The following RPL3 variants were observed in gnomAD, a reference collection of about 807,000 sequenced individuals.
The protein encoded by RPL3 is ribosomal protein L3.
In RPL3, 3 loss-of-function variants were observed where a neutral mutation model predicts 46.0. The observed-to-expected ratio is 0.07, with a 90% CI of 0.03 to 0.17. The LOEUF is 0.17. Ranked by LOEUF, RPL3 falls within the 10% of genes least tolerant of loss-of-function variation. RPL3 has a pLI of 1.00. For missense variants in RPL3, 387 were observed against 532.7 expected (o/e 0.73, Z 2.69); for synonymous variants, 224 against 190.8 (o/e 1.17, Z -1.43).
Position 39,314,133 on chromosome 22 carries a change from G to A in RPL3, c.925C>T (p.Leu309=), listed in dbSNP as rs768233968. 3.1e-6 allele frequency: 5 copies of A among 1,613,150 alleles called. No individual in the cohort carries two copies. Among genetic ancestry groups the A allele is most frequent in the Admixed American group, 1.7e-5 (1 of 60,018 alleles). ...IKNNASTDYD[L]SDKSINPLGG... ...AGAGGGTTGATGCTCTTGTCAGATA[G>A]GTCATAGTCAGTGGAGGCATTGTTC... The change falls in exon 7 of 10, where the codon CTA becomes TTA. Residue 309 remains leucine, a synonymous_variant. Coordinates refer to ENST00000216146, the MANE Select transcript of RPL3 (RefSeq NM_000967.4).
At chr22:39,318,804 A>G (rs1922864290) in intron 1 of RPL3, among the ~76,000 whole-genome samples, 1 of 152,212 alleles carries the variant, frequency 6.6e-6, no homozygotes, top group Non-Finnish European at 1.5e-5. Flanking sequence ...CTTATTTCAA[A>G]TCCTCTCAAC....
At chr22:39,313,452 C>T (rs1288349163) in intron 8 of RPL3, 142 bp from the exon 9 acceptor site, 1 of 1,392,950 alleles carries the variant, frequency 7.2e-7, no homozygotes, top group African/African-American at 1.4e-5. Flanking sequence ...ACACTCAAAG[C>T]AGCAAACAGC....
chr22:39,314,461 G>A, intron 6 of RPL3: 1 of 638,938 alleles, frequency 1.6e-6, no homozygotes, highest in East Asian at 2.7e-5. Flanking sequence ...GGACCAATAA[G>A]ACTAGTATCC....
chr22:39,314,611 T>G lies in RPL3; in HGVS notation c.849+75A>C, dbSNP rs1922562434. 20 of 1,501,110 alleles carry G rather than the reference T, an allele frequency of 1.3e-5. 1 individual carries two copies. The South Asian group carries it at 2.5e-4, about 19-fold the overall frequency. 93.0% of individuals were successfully genotyped at this position (1,501,110 alleles called of 1,614,324 possible). A position where few individuals can be genotyped will look rare whatever the true frequency, so the allele number is the denominator to read the frequency against. On this transcript the variant is annotated intron_variant, in intron 6 of 9. Coordinates refer to ENST00000216146, the MANE Select transcript of RPL3 (RefSeq NM_000967.4). ...TAAGCTACAGTCAGTGAAGCAGCACTGACAGGCACAGAAACCCCACTCCCC... is the reference window on the plus strand; with the variant it reads ...TAAGCTACAGTCAGTGAAGCAGCACGGACAGGCACAGAAACCCCACTCCCC...
intron 3 of RPL3, chr22:39,317,118 T>C: frequency 1.7e-6 from 1 of 602,538 alleles, no homozygotes; most frequent in South Asian, 2.0e-5. Context: ...GCCCACTCAG[T>C]GATGAAGGAA....
At chr22:39,313,905 G>T (rs767169869) in intron 7 of RPL3, 176 bp from the exon 8 acceptor site, 1 of 840,654 alleles carries the variant, frequency 1.2e-6, no homozygotes, top group East Asian at 2.4e-5. Context: ...CCTCATCACT[G>T]AACAGCTGAG....
rs1601630146 is a variant in RPL3 at position 39,316,839 on chromosome 22, T to C, written c.368A>G (p.His123Arg). The C allele has an allele frequency of 2.5e-6, 4 of 1,613,880 alleles. No homozygotes were observed. The highest frequency in any genetic ancestry group is 3.4e-6 in the Non-Finnish European group (4 of 1,180,030). The change falls in exon 4 of 10, where the codon CAT becomes CGT. Residue 123 changes from histidine to arginine, a missense_variant and splice_region_variant. This residue lies in a region of RPL3 where 196 missense variants were observed against 217.5 expected (regional missense o/e 0.90). Coordinates refer to ENST00000216146, the MANE Select transcript of RPL3 (RefSeq NM_000967.4). ...ECKRRFYKNW[H>R]KSKKKAFTKY... Reference sequence around the variant, plus strand: ...GGTAAAGGCCTTCTTCTTAGATTTATGCCTTCAGGAGCAGAGCAGAGTTGG... The same window carrying C: ...GGTAAAGGCCTTCTTCTTAGATTTACGCCTTCAGGAGCAGAGCAGAGTTGG...
chr22:39,318,256 A>C, intron 2 of RPL3, 144 bp downstream of exon 2: 1 of 770,202 alleles, frequency 1.3e-6, no homozygotes, highest in Non-Finnish European at 2.1e-6. Context: ...AAGCATTCCC[A>C]TTCTGCTGTC....
chr22:39,319,051 A>G, intron 1 of RPL3: 2 of 537,764 alleles, frequency 3.7e-6, no homozygotes, highest in South Asian at 2.8e-5. Flanking sequence ...CCGCAGAGCC[A>G]AATCAGAACG....
intron 6 of RPL3, chr22:39,314,424 C>T: frequency 1.6e-6 from 1 of 627,464 alleles, no homozygotes; most frequent in South Asian, 2.0e-5. Context: ...CAACACAGGC[C>T]TGTCACCCCC....
At chr22:39,316,667 TA>T in intron 4 of RPL3, 38 bp downstream of exon 4, 1 of 1,611,560 alleles carries the variant, frequency 6.2e-7, no homozygotes, top group Non-Finnish European at 8.5e-7. Flanking sequence ...TCACTTCTAC[TA>T]AGTGGCAGGC....
At chr22:39,317,360 G>A (rs1922765411) in intron 3 of RPL3, 101 bp downstream of exon 3, 18 of 1,367,834 alleles carry the variant, frequency 1.3e-5, no homozygotes, top group Non-Finnish European at 1.8e-5. Flanking sequence ...CAAGACAGCA[G>A]CTCCCTGCCT....
chr22:39,318,273 G>A (rs775107067), intron 2 of RPL3, 127 bp downstream of exon 2: 15 of 905,436 alleles, frequency 1.7e-5, no homozygotes, highest in Non-Finnish European at 2.4e-5. Context: ...TGTCGCAGCA[G>A]TTCTGACAAC....
Position 39,314,167 on chromosome 22 carries a change from C to T in RPL3, c.891G>A (p.Lys297=), listed in dbSNP as rs1480294980. ...CAGTGGAGGCATTGTTCTTGATCAG[C>T]TTGCCGTCCTTGATAAGGTAGCCCT... ...IGQGYLIKDG[K]LIKNNASTDY... is the part of the protein sequence containing the mutation. Residue 297 remains lysine, a synonymous_variant, in exon 7 of 10, where the codon AAG becomes AAA. Transcript: ENST00000216146. The T allele has an allele frequency of 1.9e-6, 3 of 1,613,612 alleles. No individual in the cohort carries two copies. The highest frequency in any genetic ancestry group is 2.2e-5 in the East Asian group (1 of 44,892).
At chr22:39,313,492 T>A (rs1922484471) in intron 8 of RPL3, 142 bp downstream of exon 8, 1 of 1,247,128 alleles carries the variant, frequency 8.0e-7, no homozygotes, top group Non-Finnish European at 1.1e-6. Flanking sequence ...AATTTCCTCA[T>A]CTCAGGACTT....
At position 39,314,836 on chromosome 22, in the gene RPL3, A is replaced by G. The variant is rs544775516; in HGVS notation, c.699T>C (p.Ser233=). The change falls in exon 6 of 10, where the codon AGT becomes AGC. Residue 233 remains serine, a synonymous_variant. Coordinates refer to ENST00000216146, the MANE Select transcript of RPL3 (RefSeq NM_000967.4). ...TKGKGYKGVT[S]RWHTKKLPRK... is the part of the protein sequence containing the mutation. ...GGGGCAGCTTCTTGGTGTGCCAACG[A>G]CTGGTGACCCCTGGAATGGATACAC... The G allele has an allele frequency of 2.5e-6, 4 of 1,613,426 alleles. No individual in the cohort carries two copies. Among genetic ancestry groups the G allele is most frequent in the African/African-American group, 1.3e-5 (1 of 74,958 alleles).
chr22:39,316,861 T>G lies in RPL3; in HGVS notation c.366-20A>C, dbSNP rs764552630. The G allele has an allele frequency of 1.2e-6, 2 of 1,613,214 alleles. No individual in the cohort carries two copies. The highest frequency in any genetic ancestry group is 1.7e-5 in the Admixed American group (1 of 59,990). ...TTATGCCTTCAGGAGCAGAGCAGAGTTGGGGAGGGGACCAGGTGCAGGCCT... is the reference window on the plus strand; with the variant it reads ...TTATGCCTTCAGGAGCAGAGCAGAGGTGGGGAGGGGACCAGGTGCAGGCCT... On this transcript the variant is annotated intron_variant, in intron 3 of 9. Coordinates refer to ENST00000216146, the MANE Select transcript of RPL3 (RefSeq NM_000967.4).
chr22:39,314,965 T>A, intron 5 of RPL3, 119 bp from the exon 6 acceptor site: 1 of 1,394,014 alleles, frequency 7.2e-7, no homozygotes, highest in Non-Finnish European at 9.8e-7. Context: ...GATTATTTCA[T>A]GTGCATTACC....
chr22:39,319,183 C>G (rs1227318260), intron 1 of RPL3: 1 of 545,246 alleles, frequency 1.8e-6, no homozygotes, highest in East Asian at 5.0e-5. Context: ...CTCCACAACA[C>G]TCCCCTCCCC....
Sources: gnomAD v4.1 joint callset for allele counts (sites outside exome capture counted in the v4.1 genomes callset) on GRCh38, gnomAD v4.1.1 for gene constraint, gnomAD v4.1.1 regional missense constraint, MANE v1.5 for transcripts, NCBI Gene and HGNC (gene_info 2026-07-23, HGNC 2026-07-21) for gene names.